ZCCHC7: variants seen among roughly 807,000 people sequenced by gnomAD.
The protein encoded by ZCCHC7 is zinc finger CCHC-type containing 7.
ZCCHC7 carries 35 observed loss-of-function variants against 52.0 expected under a neutral mutation model. The observed-to-expected ratio is 0.67, with a 90% CI of 0.51 to 0.89. The LOEUF (loss-of-function observed/expected upper bound fraction) is 0.89. ZCCHC7 is among the 40% of genes least tolerant of loss of function. ZCCHC7 has a pLI of 0.00. For synonymous variants in ZCCHC7, 217 were observed against 221.5 expected (o/e 0.98, Z 0.18); for missense variants, 574 against 649.1 (o/e 0.88, Z 1.26).
intron 2 of ZCCHC7, among the ~76,000 whole-genome samples, chr9:37,129,655 T>C (rs1842693407): frequency 6.6e-6 from 1 of 152,202 alleles, no homozygotes; most frequent in African/African-American, 2.4e-5. Context: ...TCCATAATTA[T>C]TTTGTGTTCT....
chr9:37,336,199 G>T lies in ZCCHC7; in HGVS notation c.987+8365G>T, dbSNP rs993929207. On this transcript the variant is annotated intron_variant, in intron 6 of 8. Coordinates refer to ENST00000336755, the MANE Select transcript of ZCCHC7 (RefSeq NM_032226.3). Reference sequence around the variant, plus strand: ...CCTGATTTCATAGCAAAATGTAGTGGTATAAGAGCTGGGTCAGTTCTGCAG... The same window carrying T: ...CCTGATTTCATAGCAAAATGTAGTGTTATAAGAGCTGGGTCAGTTCTGCAG... Among the ~76,000 whole-genome samples the T allele has an allele frequency of 2.6e-5, 4 of 152,246 alleles. No individual in the cohort carries two copies. In the South Asian group the frequency reaches 8.3e-4, roughly 32 times the overall value.
chr9:37,308,487 A>T (rs1333339247), intron 5 of ZCCHC7, among the ~76,000 whole-genome samples: 1 of 151,510 alleles, frequency 6.6e-6, no homozygotes, highest in East Asian at 1.9e-4. Flanking sequence ...AATTACTTGT[A>T]AAAGGTTATA....
At chr9:37,213,792 T>A (rs1217585286) in intron 2 of ZCCHC7, among the ~76,000 whole-genome samples, 1 of 152,098 alleles carries the variant, frequency 6.6e-6, no homozygotes, top group Non-Finnish European at 1.5e-5. Flanking sequence ...TTATAAAAAT[T>A]TCTGATTTAT....
intron 2 of ZCCHC7, among the ~76,000 whole-genome samples, chr9:37,299,849 T>A (rs1828950735): frequency 6.6e-6 from 1 of 152,230 alleles, no homozygotes; most frequent in African/African-American, 2.4e-5. Context: ...TGAGGAGTTG[T>A]TAGTACAGTT....
chr9:37,209,882 A>G (rs1171441657), intron 2 of ZCCHC7, among the ~76,000 whole-genome samples: 1 of 152,220 alleles, frequency 6.6e-6, no homozygotes, highest in African/African-American at 2.4e-5. Flanking sequence ...ATAGTAATAC[A>G]TGAAGTCAGA....
intron 2 of ZCCHC7, among the ~76,000 whole-genome samples, chr9:37,167,120 T>G (rs1385019142): frequency 1.3e-5 from 2 of 152,182 alleles, no homozygotes; most frequent in African/African-American, 4.8e-5. Context: ...ATATCAGTGA[T>G]GCTTTTTATG....
intron 6 of ZCCHC7, among the ~76,000 whole-genome samples, chr9:37,346,626 G>C (rs1820990833): frequency 6.6e-6 from 1 of 152,142 alleles, no homozygotes; most frequent in Non-Finnish European, 1.5e-5. Context: ...GGTGAGCTGA[G>C]ATTGTGCTGC....
chr9:37,325,301 G>A (rs923419481), intron 5 of ZCCHC7, among the ~76,000 whole-genome samples: 1 of 152,192 alleles, frequency 6.6e-6, no homozygotes, highest in African/African-American at 2.4e-5. Flanking sequence ...GTACCAGTAA[G>A]GTGAGATCAC....
chr9:37,127,228 C>G (rs985264051), intron 2 of ZCCHC7, among the ~76,000 whole-genome samples: 2 of 152,132 alleles, frequency 1.3e-5, no homozygotes, highest in Non-Finnish European at 2.9e-5. Flanking sequence ...GACCTGAAAT[C>G]TTACTTCCCC....
At position 37,310,104 on chromosome 9, in the gene ZCCHC7, G is replaced by C. The variant is rs368570033; in HGVS notation, c.951+4390G>C. Among the ~76,000 whole-genome samples the C allele has an allele frequency of 1.1e-4, 16 of 152,234 alleles. 1 individual carries two copies. The East Asian group carries it at 1.7e-3, about 17-fold the overall frequency. Reference sequence around the variant, plus strand: ...AAAAGCTTTTTCCTAAAATCTGTTGGAAATTGCTCATTGGTTAACTACTTC... The same window carrying C: ...AAAAGCTTTTTCCTAAAATCTGTTGCAAATTGCTCATTGGTTAACTACTTC... On this transcript the variant is annotated intron_variant, in intron 5 of 8. Coordinates refer to ENST00000336755, the MANE Select transcript of ZCCHC7 (RefSeq NM_032226.3).
At chr9:37,263,885 A>G (rs1826977694) in intron 2 of ZCCHC7, among the ~76,000 whole-genome samples, 1 of 152,252 alleles carries the variant, frequency 6.6e-6, no homozygotes, top group Non-Finnish European at 1.5e-5. Flanking sequence ...TTCTAAACGT[A>G]GAAAACATGA....
intron 5 of ZCCHC7, 24 bp from the exon 6 acceptor site, chr9:37,327,775 C>G: frequency 6.2e-7 from 1 of 1,612,784 alleles, no homozygotes. Flanking sequence ...ATGCTCCCAG[C>G]TGATCAATAT....
chr9:37,351,526 C>CA, intron 7 of ZCCHC7, among the ~76,000 whole-genome samples: 1 of 152,148 alleles, frequency 6.6e-6, no homozygotes, highest in Non-Finnish European at 1.5e-5. Context: ...AGGCTGGTCT[C>CA]AAACTCCTGG....
intron 2 of ZCCHC7, among the ~76,000 whole-genome samples, chr9:37,260,214 G>C (rs1196232440): frequency 6.6e-6 from 1 of 152,304 alleles, no homozygotes; most frequent in African/African-American, 2.4e-5. Flanking sequence ...GGAGTACTTT[G>C]GCTTTCCACT....
intron 2 of ZCCHC7, among the ~76,000 whole-genome samples, chr9:37,177,942 TAAAAAC>T (rs1822133951): frequency 6.6e-6 from 1 of 152,126 alleles, no homozygotes; most frequent in African/African-American, 2.4e-5. Flanking sequence ...AGAAAAAAAT[TAAAAAC>T]TAAAGAAATC....
chr9:37,357,546 ATCTTT>A lies in ZCCHC7; in HGVS notation c.*281_*285del. ...ATCCTAGGGATAGGTAGAAGAATTC[ATCTTT>A]TCAAGAAAGTGTTTTAAAAATACTT... On this transcript the variant is annotated 3_prime_UTR_variant, in exon 9 of 9. Coordinates refer to ENST00000336755, the MANE Select transcript of ZCCHC7 (RefSeq NM_032226.3). 1 of 238,082 alleles carries A rather than the reference ATCTTT, an allele frequency of 4.2e-6. No individual in the cohort carries two copies. Among genetic ancestry groups the A allele is most frequent in the Non-Finnish European group, 8.0e-6 (1 of 125,372 alleles). 14.7% of individuals were successfully genotyped at this position (238,082 alleles called of 1,614,324 possible). A position where few individuals can be genotyped will look rare whatever the true frequency, so the allele number is the denominator to read the frequency against.
intron 5 of ZCCHC7, among the ~76,000 whole-genome samples, chr9:37,321,639 C>T (rs1480799259): frequency 2.0e-5 from 3 of 152,102 alleles, no homozygotes; most frequent in Admixed American, 6.5e-5. Flanking sequence ...TGGTCCATGC[C>T]TGTAGTCCTA....
chr9:37,315,431 TA>T (rs201599784), intron 5 of ZCCHC7, among the ~76,000 whole-genome samples: 7,716 of 106,186 alleles, frequency 0.073, 642 homozygotes, highest in African/African-American at 0.25. Flanking sequence ...GTTGACTTGA[TA>T]AAAAAAATCA....
intron 2 of ZCCHC7, among the ~76,000 whole-genome samples, chr9:37,248,587 G>T (rs940399575): frequency 6.6e-6 from 1 of 152,144 alleles, no homozygotes; most frequent in Non-Finnish European, 1.5e-5. Context: ...CTCTTAGAAA[G>T]AATGTTCAGT....
Sources: gnomAD v4.1 joint callset for allele counts (sites outside exome capture counted in the v4.1 genomes callset) on GRCh38, gnomAD v4.1.1 for gene constraint, MANE v1.5 for transcripts, NCBI Gene and HGNC (gene_info 2026-07-23, HGNC 2026-07-21) for gene names.